VEZT: variants seen among roughly 807,000 people sequenced by gnomAD.
The protein encoded by VEZT is vezatin, adherens junctions transmembrane protein.
Under a neutral mutation model 79.9 loss-of-function variants are expected in VEZT, and 39 were observed. The ratio of observed to expected loss-of-function variants is 0.49; its 90% CI spans 0.38 to 0.64. The LOEUF (loss-of-function observed/expected upper bound fraction) is 0.64. Ranked by LOEUF, VEZT falls within the 30% of genes least tolerant of loss-of-function variation. VEZT has a pLI of 0.00. For missense variants in VEZT, 837 were observed against 893.1 expected (o/e 0.94, Z 0.80); for synonymous variants, 325 against 327.6 (o/e 0.99, Z 0.09).
intron 9 of VEZT, among the ~76,000 whole-genome samples, chr12:95,289,080 T>TAAA (rs2071793709): frequency 1.1e-5 from 1 of 89,968 alleles, no homozygotes; most frequent in Admixed American, 1.1e-4. Context: ...AGACTCCGTC[T>TAAA]CAAAAAAAAA....
chr12:95,255,248 A>G (rs1473754819), intron 2 of VEZT, among the ~76,000 whole-genome samples: 1 of 152,116 alleles, frequency 6.6e-6, no homozygotes, highest in Non-Finnish European at 1.5e-5. Context: ...TGTTCTTTTT[A>G]ATAGTCCCAA....
At chr12:95,255,216 C>A (rs1228744728) in intron 2 of VEZT, among the ~76,000 whole-genome samples, 1 of 151,884 alleles carries the variant, frequency 6.6e-6, no homozygotes, top group Non-Finnish European at 1.5e-5. Flanking sequence ...CTCAGACACC[C>A]CCAAAACAAA....
chr12:95,269,896 A>G, intron 5 of VEZT, 155 bp from the exon 6 acceptor site: 1 of 742,812 alleles, frequency 1.3e-6, no homozygotes, highest in Non-Finnish European at 2.1e-6. Context: ...CTATTTTATG[A>G]GACCTGAGTT....
At chr12:95,274,624 TA>T in intron 6 of VEZT, 117 bp from the exon 7 acceptor site, 1 of 1,108,022 alleles carries the variant, frequency 9.0e-7, no homozygotes, top group Non-Finnish European at 1.3e-6. Flanking sequence ...AAAACTGCTG[TA>T]AACCTCCTCA....
chr12:95,254,072 C>T (rs1391608546), intron 2 of VEZT, among the ~76,000 whole-genome samples: 1 of 152,092 alleles, frequency 6.6e-6, no homozygotes, highest in African/African-American at 2.4e-5. Flanking sequence ...CATTCACTTC[C>T]TGGGCCCAAG....
At chr12:95,293,143 C>T (rs890039983) in intron 9 of VEZT, among the ~76,000 whole-genome samples, 11 of 152,194 alleles carry the variant, frequency 7.2e-5, no homozygotes, top group African/African-American at 2.7e-4. Flanking sequence ...AGCCACTGTG[C>T]CCAGCCAGTT....
intron 7 of VEZT, among the ~76,000 whole-genome samples, chr12:95,281,698 AC>A (rs943623410): frequency 1.3e-5 from 2 of 151,694 alleles, no homozygotes; most frequent in Non-Finnish European, 2.9e-5. Flanking sequence ...AGCACATACC[AC>A]CATGTCTGGC....
rs1420342348 is a variant in VEZT at position 95,300,446 on chromosome 12, A to G, written c.2113A>G (p.Ser705Gly). The G allele has an allele frequency of 6.2e-7, 1 of 1,613,980 alleles. No individual in the cohort carries two copies. Residue 705 changes from serine (S) to glycine (G), a missense_variant, in exon 12 of 12, where the codon AGT (serine) becomes GGT (glycine). Ser to Gly is a moderately conservative substitution (Grantham distance 56). Coordinates refer to ENST00000436874, the MANE Select transcript of VEZT (RefSeq NM_017599.4). ...TGAAGATGAACCACAAGCAGATGGA[A>G]GTGGTCTGACCACTGCCCCTCCAAC... Reference protein sequence around the residue: ...ESEDEPQADGSGLTTAPPTPR... With the variant: ...ESEDEPQADGGGLTTAPPTPR...
intron 1 of VEZT, among the ~76,000 whole-genome samples, chr12:95,247,557 G>GT (rs542113164): frequency 6.7e-4 from 102 of 151,876 alleles, no homozygotes; most frequent in African/African-American, 1.5e-3. Context: ...AAAATAATAA[G>GT]TTTTTTTTAA....
intron 7 of VEZT, among the ~76,000 whole-genome samples, chr12:95,281,696 C>A (rs1187643738): frequency 6.6e-6 from 1 of 151,962 alleles, no homozygotes; most frequent in African/African-American, 2.4e-5. Context: ...CAAGCACATA[C>A]CACCATGTCT....
chr12:95,287,735 C>G lies in VEZT; in HGVS notation c.1400C>G (p.Ala467Gly). 2 of 1,601,406 alleles carry G rather than the reference C, an allele frequency of 1.2e-6. No homozygotes were observed. The highest frequency in any genetic ancestry group is 1.7e-6 in the Non-Finnish European group (2 of 1,173,304). ...GAAACACAAGAACTAGTGTCAGAGG[C>G]TTATCCCATCCTAGAACAGAAATTA... ...TKETQELVSE[A>G]YPILEQKLKL... The change falls in exon 9 of 12, where the codon GCT becomes GGT. Residue 467 changes from alanine to glycine, a missense_variant. Transcript: ENST00000436874.
intron 3 of VEZT, among the ~76,000 whole-genome samples, chr12:95,259,757 C>T (rs138260749): frequency 6.6e-6 from 1 of 152,338 alleles, no homozygotes; most frequent in Non-Finnish European, 1.5e-5. Context: ...CTGGGCTTCC[C>T]AGTCCAAATA....
At chr12:95,278,653 A>G (rs1453929176) in intron 7 of VEZT, among the ~76,000 whole-genome samples, 1 of 152,234 alleles carries the variant, frequency 6.6e-6, no homozygotes, top group African/African-American at 2.4e-5. Context: ...TTGTTCCCGT[A>G]TCTTCCCTCA....
chr12:95,250,935 TG>T (rs1227015480), intron 1 of VEZT, among the ~76,000 whole-genome samples: 2 of 152,188 alleles, frequency 1.3e-5, no homozygotes, highest in South Asian at 2.1e-4. Context: ...AGACAGCTGA[TG>T]CACAAAAGGA....
rs1050703664 is a variant in VEZT, at chr12:95,266,647, T to A, written c.710+15T>A. The A allele has an allele frequency of 4.1e-5, 65 of 1,566,934 alleles. No individual in the cohort carries two copies. Among genetic ancestry groups the A allele is most frequent in the Non-Finnish European group, 5.5e-5 (64 of 1,159,502 alleles). On this transcript the variant is annotated intron_variant, in intron 5 of 11. Coordinates refer to ENST00000436874, the MANE Select transcript of VEZT (RefSeq NM_017599.4). The stretch of plus-strand genomic sequence containing the variant: ...GGATTTACACTGTGAGTTCATTTTT[T>A]ATTTTATTTCTTAAATGATTATTTT...
At chr12:95,298,385 C>A (rs1302553120) in intron 11 of VEZT, among the ~76,000 whole-genome samples, 1 of 152,094 alleles carries the variant, frequency 6.6e-6, no homozygotes, top group Admixed American at 6.6e-5. Flanking sequence ...GCAATCTGTT[C>A]ATTCATATAC....
chr12:95,240,896 C>T (rs1160240737), intron 1 of VEZT, among the ~76,000 whole-genome samples: 1 of 152,094 alleles, frequency 6.6e-6, no homozygotes, highest in Non-Finnish European at 1.5e-5. Context: ...AGCCTTAGAA[C>T]TATTGATGCT....
chr12:95,299,118 G>A (rs2074800489), intron 11 of VEZT: 1 of 154,830 alleles, frequency 6.5e-6, no homozygotes, highest in Admixed American at 6.5e-5. Flanking sequence ...TGGAATTAGA[G>A]GGGGAAAGTC....
chr12:95,238,540 C>T (rs1798217765), intron 1 of VEZT, among the ~76,000 whole-genome samples: 1 of 152,138 alleles, frequency 6.6e-6, no homozygotes, highest in Admixed American at 6.5e-5. Context: ...TATGAGTTTG[C>T]CACCATATTT....
Sources: allele counts gnomAD v4.1 joint callset (sites outside exome capture counted in the v4.1 genomes callset), GRCh38; gene constraint gnomAD v4.1.1; transcripts MANE v1.5; gene names NCBI Gene and HGNC (gene_info 2026-07-23, HGNC 2026-07-21).